The following FGF13 variants were observed in gnomAD, a reference collection of about 807,000 sequenced individuals.
FGF13 encodes the protein fibroblast growth factor homologous factor 2.
A neutral mutation model predicts 19.5 loss-of-function variants in FGF13; 2 were observed. The observed-to-expected ratio is 0.10, with a 90% confidence interval of 0.04 to 0.32. The LOEUF (loss-of-function observed/expected upper bound fraction) is 0.32, where lower values mean the gene tolerates loss of function less well. FGF13 is among the 10% of genes least tolerant of loss of function. The probability of loss-of-function intolerance (pLI) is 1.00; values close to 1 mark genes in which losing one functional copy is unlikely to be tolerated. For synonymous variants in FGF13, 72 were observed against 76.9 expected (o/e 0.94, Z 0.33); for missense variants, 113 against 192.7 (o/e 0.59, Z 2.45).
intron 3 of FGF13, among the ~76,000 whole-genome samples, chrX:138,781,350 A>G (rs2090640440): frequency 9.1e-6 from 1 of 110,091 alleles, no homozygotes; most frequent in African/African-American, 3.3e-5. Flanking sequence ...GACACAAAAA[A>G]CCCTTCAAAA....
intron 3 of FGF13, among the ~76,000 whole-genome samples, chrX:138,818,843 G>A (rs1372959495): frequency 9.0e-6 from 1 of 111,306 alleles, no homozygotes; most frequent in Non-Finnish European, 1.9e-5. Context: ...AAATGGGTAT[G>A]CACTTGGCTA....
At chrX:138,749,215 G>A (rs756156003) in intron 3 of FGF13, among the ~76,000 whole-genome samples, 16 of 109,731 alleles carry the variant, frequency 1.5e-4, no homozygotes, top group Non-Finnish European at 2.7e-4. Context: ...GCTGAGAAAC[G>A]AAGGAAGAGC....
At chrX:139,135,271 G>A (rs2083790738) in intron 1 of FGF13, among the ~76,000 whole-genome samples, 1 of 111,212 alleles carries the variant, frequency 9.0e-6, no homozygotes, top group Admixed American at 9.5e-5. Flanking sequence ...CAATTTTAGA[G>A]TGGCTATATA....
intron 1 of FGF13, among the ~76,000 whole-genome samples, chrX:138,879,538 G>A (rs192431340): frequency 1.8e-3 from 204 of 110,988 alleles, no homozygotes; most frequent in African/African-American, 6.3e-3. Flanking sequence ...TATTAAGTTC[G>A]GGGGTACATG....
intron 3 of FGF13, among the ~76,000 whole-genome samples, chrX:138,799,560 T>C (rs1002251163): frequency 9.0e-6 from 1 of 111,486 alleles, no homozygotes; most frequent in Non-Finnish European, 1.9e-5. Context: ...GAGAGTTCTG[T>C]TGATGTCTAT....
intron 1 of FGF13, among the ~76,000 whole-genome samples, chrX:138,875,799 T>C (rs1013975976): frequency 9.0e-6 from 1 of 111,421 alleles, no homozygotes; most frequent in Admixed American, 9.6e-5. Context: ...TGGCACTTCC[T>C]GTGTCTCAGC....
chrX:138,693,511 ATG>A (rs1047256126), intron 3 of FGF13, among the ~76,000 whole-genome samples: 17 of 111,754 alleles, frequency 1.5e-4, no homozygotes, highest in African/African-American at 5.2e-4. Flanking sequence ...TCAGAAATAT[ATG>A]TGTTTGTATA....
chrX:138,711,428 G>A lies in FGF13; in HGVS notation c.-425C>T, dbSNP rs1321749399. 1.5e-6 allele frequency: 1 copy of A among 682,077 alleles called. No homozygotes were observed. Among genetic ancestry groups the A allele is most frequent in the African/African-American group, 2.3e-5 (1 of 42,854 alleles). The allele number at this position is 682,077 out of a possible 1,213,427, so 56.2% of individuals were successfully genotyped here. On this transcript the variant is annotated 5_prime_UTR_variant, in exon 1 of 5. Transcript: ENST00000315930. The stretch of plus-strand genomic sequence containing the variant: ...GATGGGGGCCAGAGGAGGGAGGCGG[G>A]CGGAGGGAGTGAGCGCGGGCGGGAG...
chrX:139,060,778 T>G (rs1158192520), intron 1 of FGF13, among the ~76,000 whole-genome samples: 1 of 111,444 alleles, frequency 9.0e-6, no homozygotes, highest in Admixed American at 9.5e-5. Flanking sequence ...AACATATTAT[T>G]TACACACAAA....
intron 1 of FGF13, among the ~76,000 whole-genome samples, chrX:138,880,083 C>T (rs1280848499): frequency 8.9e-6 from 1 of 112,261 alleles, no homozygotes; most frequent in Non-Finnish European, 1.9e-5. Context: ...TGAAAAAAAG[C>T]TCATCATCAC....
At chrX:138,950,528 G>C (rs775337451) in intron 1 of FGF13, among the ~76,000 whole-genome samples, 1 of 111,807 alleles carries the variant, frequency 8.9e-6, no homozygotes, top group East Asian at 2.8e-4. Context: ...CAAGTTCTAT[G>C]TTTGTTTTAT....
chrX:138,654,394 T>C (rs1159652070), intron 3 of FGF13, among the ~76,000 whole-genome samples: 2 of 112,048 alleles, frequency 1.8e-5, no homozygotes, highest in Admixed American at 9.5e-5. Flanking sequence ...TTAGTGTCTA[T>C]AGTCAGCATC....
intron 3 of FGF13, among the ~76,000 whole-genome samples, chrX:138,688,987 AATT>A (rs1203299056): frequency 9.0e-6 from 1 of 111,287 alleles, no homozygotes; most frequent in East Asian, 2.8e-4. Flanking sequence ...TAAATAACTG[AATT>A]TACTCCTTTT....
At chrX:138,782,150 G>C (rs960411526) in intron 3 of FGF13, among the ~76,000 whole-genome samples, 1 of 111,929 alleles carries the variant, frequency 8.9e-6, no homozygotes, top group African/African-American at 3.2e-5. Context: ...GTATTGATGG[G>C]ACATATTTGA....
At chrX:138,908,071 CTTTTTTTT>C (rs757824173) in intron 1 of FGF13, among the ~76,000 whole-genome samples, 3 of 58,969 alleles carry the variant, frequency 5.1e-5, no homozygotes, top group Non-Finnish European at 1.0e-4. Flanking sequence ...TAATCATTTT[CTTTTTTTT>C]TTTTTTTTTG....
chrX:139,156,810 G>T (rs1298348247), intron 1 of FGF13, among the ~76,000 whole-genome samples: 2 of 112,344 alleles, frequency 1.8e-5, no homozygotes, highest in African/African-American at 3.2e-5. Flanking sequence ...ACATGTTTAA[G>T]CTTTATGGGC....
At chrX:138,949,259 C>T (rs1056466295) in intron 1 of FGF13, among the ~76,000 whole-genome samples, 2 of 112,012 alleles carry the variant, frequency 1.8e-5, no homozygotes, top group African/African-American at 6.5e-5. Flanking sequence ...GAAATTTGTT[C>T]TCTTACAGTA....
intron 1 of FGF13, among the ~76,000 whole-genome samples, chrX:138,991,685 T>C (rs2092016000): frequency 8.9e-6 from 1 of 112,270 alleles, no homozygotes; most frequent in Non-Finnish European, 1.9e-5. Flanking sequence ...CTATATTTCC[T>C]TAAAGACAAT....
intron 3 of FGF13, among the ~76,000 whole-genome samples, chrX:138,674,361 G>A (rs2089644037): frequency 8.9e-6 from 1 of 111,946 alleles, no homozygotes; most frequent in Non-Finnish European, 1.9e-5. Context: ...AAACCAATCA[G>A]CATGGTTGTA....
Sources: gnomAD v4.1 joint callset for allele counts (sites outside exome capture counted in the v4.1 genomes callset) on GRCh38, gnomAD v4.1.1 for gene constraint, MANE v1.5 for transcripts, NCBI Gene and HGNC (gene_info 2026-07-23, HGNC 2026-07-21) for gene names.